Variants in FER1L5 observed in about 807,000 individuals in gnomAD.
The protein encoded by FER1L5 is fer-1-like protein 5.
A neutral mutation model predicts 279.9 loss-of-function variants in FER1L5; 187 were observed. The observed-to-expected ratio is 0.67, with a 90% CI of 0.59 to 0.75. FER1L5 has a LOEUF of 0.75. FER1L5 is among the 30% of genes least tolerant of loss of function. FER1L5 has a pLI of 0.00. For missense variants in FER1L5, 2,091 were observed against 2,594.4 expected, an observed-to-expected ratio of 0.81 and a Z score of 4.21; for synonymous variants, 921 against 989.7, an observed-to-expected ratio of 0.93 and a Z score of 1.30.
intron 42 of FER1L5, 33 bp downstream of exon 42, chr2:96,699,169 C>T: frequency 6.4e-7 from 1 of 1,569,640 alleles, no homozygotes; most frequent in Non-Finnish European, 8.7e-7. Context: ...ACCCCTTCTC[C>T]ACTCCTATCC....
intron 1 of FER1L5, among the ~76,000 whole-genome samples, chr2:96,645,433 C>T (rs895744678): frequency 6.6e-6 from 1 of 152,154 alleles, no homozygotes; most frequent in Non-Finnish European, 1.5e-5. Flanking sequence ...ATACCCATAT[C>T]CCATTGGCCA....
chr2:96,673,541 T>C (rs537231718), intron 19 of FER1L5, among the ~76,000 whole-genome samples: 1 of 152,092 alleles, frequency 6.6e-6, no homozygotes, highest in Admixed American at 6.5e-5. Context: ...GAACCACCTC[T>C]CATCCATCCA....
At chr2:96,677,351 T>G (rs1400188511) in intron 19 of FER1L5, among the ~76,000 whole-genome samples, 1 of 152,250 alleles carries the variant, frequency 6.6e-6, no homozygotes, top group African/African-American at 2.4e-5. Flanking sequence ...ATATTTACTT[T>G]TCCTGGATGT....
At chr2:96,703,436 T>C (rs1482365861) in intron 50 of FER1L5, 87 bp from the exon 51 acceptor site, 1 of 1,605,602 alleles carries the variant, frequency 6.2e-7, no homozygotes, top group East Asian at 2.2e-5. Context: ...AAATCCCTTT[T>C]CCTTTCTTGA....
At chr2:96,684,236 G>A (rs1431264339) in intron 19 of FER1L5, 91 bp from the exon 20 acceptor site, 2 of 1,480,908 alleles carry the variant, frequency 1.4e-6, no homozygotes, top group Non-Finnish European at 1.8e-6. Context: ...GGGTGCAGTG[G>A]TCCAGAGAGG....
intron 34 of FER1L5, chr2:96,695,008 G>A (rs1371270314): frequency 1.3e-5 from 2 of 155,604 alleles, no homozygotes; most frequent in Non-Finnish European, 2.8e-5. Flanking sequence ...TCCCGCTTTA[G>A]GCCCCGAGGA....
At chr2:96,659,358 C>CTTCTTTCTTTCT (rs2075778770) in intron 9 of FER1L5, among the ~76,000 whole-genome samples, 1 of 60,582 alleles carries the variant, frequency 1.7e-5, no homozygotes, top group East Asian at 7.4e-4. Flanking sequence ...TCCTTCCTTC[C>CTTCTTTCTTTCT]TTCCTTCTTT....
Position 96,694,142 on chromosome 2 carries a change from C to G in FER1L5, c.3636+70C>G. On this transcript the variant is annotated intron_variant, in intron 33 of 52. Coordinates refer to ENST00000624922, the MANE Select transcript of FER1L5 (RefSeq NM_001293083.2). This position sits in a 1 kb window ranked among gnomAD's most constrained non-coding sequence, Gnocchi z 4.6. ...CCCTCCCCGTCCCACCCCCAGCCAG[C>G]GGGGGCCAACTCCACCCTGTCAGGA... The G allele has an allele frequency of 6.8e-7, 1 of 1,474,788 alleles. No homozygotes were observed. Among genetic ancestry groups the G allele is most frequent in the South Asian group, 1.4e-5 (1 of 73,524 alleles). 91.4% of individuals were successfully genotyped at this position (1,474,788 alleles called of 1,614,324 possible).
chr2:96,654,520 G>T (rs1203656944), intron 9 of FER1L5, 24 bp downstream of exon 9: 2 of 398,812 alleles, frequency 5.0e-6, no homozygotes, highest in African/African-American at 4.1e-5. Flanking sequence ...ATGGGAGGAG[G>T]TTCAGTGAAA....
At chr2:96,669,629 C>T (rs1261087828) in intron 17 of FER1L5, among the ~76,000 whole-genome samples, 1 of 152,148 alleles carries the variant, frequency 6.6e-6, no homozygotes, top group Non-Finnish European at 1.5e-5. Context: ...GGCATTGGTC[C>T]TCAAGGCCAC....
rs1481204081 is a variant in FER1L5 at position 96,703,897 on chromosome 2, C to T, written c.5801+265C>T. Among the ~76,000 whole-genome samples, 3 of 148,252 alleles carry T rather than the reference C, an allele frequency of 2.0e-5. No homozygotes were observed. In the East Asian group the frequency reaches 5.9e-4, roughly 29 times the overall value. On this transcript the variant is annotated intron_variant, in intron 51 of 52. Transcript: ENST00000624922. ...GTGGCACAATCTCTGCTCACTGCAA[C>T]CTCTGCCTCCTGGGTTCAAGCGATT... is the stretch of plus-strand genomic sequence containing the variant.
At position 96,702,413 on chromosome 2, in the gene FER1L5, G is replaced by T; in HGVS notation, c.5255+12G>T. The T allele has an allele frequency of 6.2e-7, 1 of 1,605,446 alleles. No individual in the cohort carries two copies. The highest frequency in any genetic ancestry group is 2.2e-5 in the East Asian group (1 of 44,506). ...ATCTACATCAAAGGGTAGGGAAGAG[G>T]AGTCAGGCTCCGGCAGAGCCCCTCA... is the stretch of plus-strand genomic sequence containing the variant. On this transcript the variant is annotated intron_variant, in intron 47 of 52. Coordinates refer to ENST00000624922, the MANE Select transcript of FER1L5 (RefSeq NM_001293083.2). The surrounding 1 kb of genome is among the most constrained non-coding windows in gnomAD (Gnocchi z 4.0).
At chr2:96,684,620 A>G (rs1473502461) in intron 20 of FER1L5, among the ~76,000 whole-genome samples, 169 bp downstream of exon 20, 9 of 152,220 alleles carry the variant, frequency 5.9e-5, no homozygotes, top group Non-Finnish European at 1.2e-4. Flanking sequence ...CTGAAGACAC[A>G]AAGATCATTA....
rs1485378462 is a variant in FER1L5 at position 96,703,377 on chromosome 2, G to A, written c.5691+31G>A. The stretch of plus-strand genomic sequence containing the variant: ...AGCTGGGGAGTGTCTACTGATTAGG[G>A]CTGCTATGCCACATGTCCTGGCTCT... On this transcript the variant is annotated intron_variant, in intron 50 of 52. Transcript: ENST00000624922. 4 of 1,599,442 alleles carry A rather than the reference G, an allele frequency of 2.5e-6. No homozygotes were observed. In the African/African-American group the frequency reaches 5.4e-5, roughly 21 times the overall value.
chr2:96,655,564 A>T (rs1403143664), intron 9 of FER1L5, among the ~76,000 whole-genome samples: 1 of 152,190 alleles, frequency 6.6e-6, no homozygotes, highest in Non-Finnish European at 1.5e-5. Flanking sequence ...TTGGAAAAAA[A>T]CATAGAGAGA....
Position 96,649,658 on chromosome 2 carries a change from C to G in FER1L5, c.375C>G (p.Asn125Lys). Reference protein sequence around the residue: ...TVTLQVAHMSNQDIEKTGAED... With the variant: ...TVTLQVAHMSKQDIEKTGAED... ...CCCTACAGGTGGCCCACATGAGCAA[C>G]CAGGATATTGAGAAGACAGGTATGT... The change falls in exon 5 of 53, where the codon AAC becomes AAG. Residue 125 changes from asparagine to lysine, a missense_variant. Transcript: ENST00000624922. The G allele has an allele frequency of 6.4e-7, 1 of 1,551,586 alleles. No homozygotes were observed. Among genetic ancestry groups the G allele is most frequent in the Admixed American group, 2.0e-5 (1 of 51,006 alleles).
At chr2:96,644,683 C>A (rs1326060079) in intron 1 of FER1L5, among the ~76,000 whole-genome samples, 1 of 152,132 alleles carries the variant, frequency 6.6e-6, no homozygotes, top group Non-Finnish European at 1.5e-5. Context: ...AATGGAATTT[C>A]TTTATTTTAT....
At position 96,668,714 on chromosome 2, in the gene FER1L5, A is replaced by T. The variant is rs190926653; in HGVS notation, c.1141-37A>T. 3,769 of 1,550,826 alleles carry T rather than the reference A, an allele frequency of 2.4e-3. 8 individuals carry two copies. Among genetic ancestry groups the T allele is most frequent in the Non-Finnish European group, 3.1e-3 (3,516 of 1,146,722 alleles). On this transcript the variant is annotated intron_variant, in intron 14 of 52. Transcript: ENST00000624922. ...TCTCCACGAGGGCCAGACCATCCCAATGTGTACCCACCGCACCTCTCTCCT... is the reference window on the plus strand; with the variant it reads ...TCTCCACGAGGGCCAGACCATCCCATTGTGTACCCACCGCACCTCTCTCCT...
At chr2:96,674,215 TTC>T (rs1471752646) in intron 19 of FER1L5, among the ~76,000 whole-genome samples, 1 of 152,150 alleles carries the variant, frequency 6.6e-6, no homozygotes, top group Non-Finnish European at 1.5e-5. Flanking sequence ...CTAATCTTTC[TTC>T]TGTTTTTTGT....
Sources: gnomAD v4.1 joint callset for allele counts (sites outside exome capture counted in the v4.1 genomes callset) on GRCh38, gnomAD v4.1.1 for gene constraint, Gnocchi (gnomAD v3.1) non-coding constraint, MANE v1.5 for transcripts, NCBI Gene and HGNC (gene_info 2026-07-23, HGNC 2026-07-21) for gene names.